Variants in PBX1 observed in about 807,000 individuals in gnomAD.
PBX1 encodes the protein PBX homeobox 1.
PBX1 carries 6 observed loss-of-function variants against 53.4 expected under a neutral mutation model. The ratio of observed to expected loss-of-function variants is 0.11; its 90% CI spans 0.06 to 0.22. The LOEUF (loss-of-function observed/expected upper bound fraction) is 0.22, where lower values mean the gene tolerates loss of function less well. PBX1 is among the 10% of genes least tolerant of loss of function. PBX1 has a pLI of 1.00. For synonymous variants in PBX1, 204 were observed against 212.3 expected (o/e 0.96, Z 0.34); for missense variants, 251 against 551.4 (o/e 0.46, Z 5.46).
rs114626942 is a variant in PBX1, at chr1:164,863,753, C to T, written n.257+32270C>T. Among the ~76,000 whole-genome samples, 1,130 of 152,166 alleles carry T rather than the reference C, an allele frequency of 7.4e-3. 9 individuals carry two copies. The highest frequency in any genetic ancestry group is 0.026 in the African/African-American group (1,092 of 41,506). The stretch of plus-strand genomic sequence containing the variant: ...GCTGGAGGAGGGAATCTGGCGGATA[C>T]CAGTACCTGAATACAGATCAGAGAG... On this transcript the variant is annotated intron_variant and non_coding_transcript_variant, in intron 2 of 2. Coordinates refer to the PBX1 transcript ENST00000558796.
At chr1:164,730,790 G>T (rs939174034) in intron 2 of PBX1, among the ~76,000 whole-genome samples, 2 of 152,112 alleles carry the variant, frequency 1.3e-5, no homozygotes, top group Non-Finnish European at 2.9e-5. Flanking sequence ...TGTCCCCTTG[G>T]TGCTAAAGAA....
intron 2 of PBX1, among the ~76,000 whole-genome samples, chr1:164,871,054 G>A (rs1021487633): frequency 6.6e-6 from 1 of 152,070 alleles, no homozygotes; most frequent in African/African-American, 2.4e-5. Flanking sequence ...GGCATACCCT[G>A]CCTTATTAAA....
intron 2 of PBX1, among the ~76,000 whole-genome samples, chr1:164,729,640 C>G (rs542201402): frequency 6.6e-6 from 1 of 152,236 alleles, no homozygotes; most frequent in Admixed American, 6.5e-5. Context: ...ATATTATTAT[C>G]TCTCTTTTAC....
Position 164,849,130 on chromosome 1 carries a change from G to A in PBX1, c.*2454G>A, listed in dbSNP as rs1671706016. On this transcript the variant is annotated 3_prime_UTR_variant, in exon 9 of 9. Coordinates refer to ENST00000420696, the MANE Select transcript of PBX1 (RefSeq NM_002585.4). ...TCACATTTGCTTGACTTAGGGCAAAGTACGAAAGAGAGACAAAAGGGTTCT... is the reference window on the plus strand; with the variant it reads ...TCACATTTGCTTGACTTAGGGCAAAATACGAAAGAGAGACAAAAGGGTTCT... The A allele has an allele frequency of 7.3e-7, 1 of 1,378,696 alleles. No individual in the cohort carries two copies. The highest frequency in any genetic ancestry group is 1.5e-5 in the African/African-American group (1 of 68,862). 85.4% of individuals were successfully genotyped at this position (1,378,696 alleles called of 1,614,324 possible).
At chr1:164,582,111 A>G (rs1163844547) in intron 2 of PBX1, among the ~76,000 whole-genome samples, 2 of 152,234 alleles carry the variant, frequency 1.3e-5, no homozygotes, top group Non-Finnish European at 2.9e-5. Context: ...ATAAAATAAC[A>G]TGCAAGGGAA....
At chr1:164,805,042 A>G (rs533042419) in intron 4 of PBX1, among the ~76,000 whole-genome samples, 2 of 152,276 alleles carry the variant, frequency 1.3e-5, no homozygotes, top group East Asian at 3.9e-4. Context: ...TATGTCTGTG[A>G]TGTCTACACA....
intron 1 of PBX1, chr1:164,562,803 A>C (rs2101687181): frequency 6.6e-6 from 1 of 152,626 alleles, no homozygotes; most frequent in Admixed American, 6.5e-5. Context: ...GAACACATGG[A>C]TGAATTAAAT....
intron 8 of PBX1, among the ~76,000 whole-genome samples, chr1:164,841,490 C>T (rs1177174938): frequency 2.6e-5 from 4 of 152,102 alleles, no homozygotes; most frequent in East Asian, 3.9e-4. Context: ...TGAAAGATAG[C>T]TCTGGTGGCA....
intron 8 of PBX1, chr1:164,831,553 T>G (rs1334304199): frequency 6.6e-6 from 1 of 152,162 alleles, no homozygotes; most frequent in African/African-American, 2.4e-5. Flanking sequence ...CATGCCCAGC[T>G]AATTTTTTGT....
At chr1:164,649,113 T>C (rs1490630904) in intron 2 of PBX1, among the ~76,000 whole-genome samples, 1 of 152,116 alleles carries the variant, frequency 6.6e-6, no homozygotes, top group Non-Finnish European at 1.5e-5. Flanking sequence ...GTGGGAACAT[T>C]GGCCTACAGA....
chr1:164,828,620 C>T (rs1216241108), intron 8 of PBX1: 1 of 152,112 alleles, frequency 6.6e-6, no homozygotes, highest in East Asian at 1.9e-4. Flanking sequence ...TTGTTCCAGA[C>T]TCAAGTTGGT....
chr1:164,630,438 A>T (rs1168423609), intron 2 of PBX1, among the ~76,000 whole-genome samples: 1 of 152,168 alleles, frequency 6.6e-6, no homozygotes, highest in Admixed American at 6.5e-5. Flanking sequence ...TGCTGTTTTC[A>T]TATTTAAGCT....
chr1:164,837,147 C>T (rs1330949341), intron 8 of PBX1, among the ~76,000 whole-genome samples: 1 of 152,170 alleles, frequency 6.6e-6, no homozygotes, highest in Admixed American at 6.5e-5. Flanking sequence ...TTCACACATA[C>T]TGGCTGTGTG....
At chr1:164,576,658 C>A (rs763146352) in intron 2 of PBX1, 3 of 152,390 alleles carry the variant, frequency 2.0e-5, no homozygotes, top group South Asian at 4.1e-4. Flanking sequence ...GCCCGAGGCT[C>A]CCCCGCCACC....
At chr1:164,782,772 C>T (rs79026669) in intron 2 of PBX1, among the ~76,000 whole-genome samples, 1,741 of 152,266 alleles carry the variant, frequency 0.011, 32 homozygotes, top group African/African-American at 0.04. Context: ...GTAGTGACAA[C>T]GGCAGCGGGG....
intron 2 of PBX1, among the ~76,000 whole-genome samples, chr1:164,592,059 G>A (rs1655422865): frequency 1.3e-5 from 2 of 150,236 alleles, no homozygotes; most frequent in Admixed American, 1.3e-4. Context: ...GAGTGACTGT[G>A]TTTCTGAGTA....
intron 2 of PBX1, among the ~76,000 whole-genome samples, chr1:164,638,686 G>A (rs762559236): frequency 2.6e-4 from 40 of 152,202 alleles, no homozygotes; most frequent in Admixed American, 1.4e-3. Flanking sequence ...AGCGATAAAG[G>A]CAGGTGATCC....
At chr1:164,624,541 C>G (rs1037400017) in intron 2 of PBX1, among the ~76,000 whole-genome samples, 1 of 152,156 alleles carries the variant, frequency 6.6e-6, no homozygotes, top group Admixed American at 6.5e-5. Flanking sequence ...CCTGAGGGAG[C>G]CTTGAAGTTG....
chr1:164,760,227 A>G (rs10918067), intron 2 of PBX1, among the ~76,000 whole-genome samples: 71,463 of 152,002 alleles, frequency 0.47, 16,962 homozygotes, highest in South Asian at 0.56. Flanking sequence ...TGATTAACCG[A>G]ATCAGAATGA....
Sources: allele counts gnomAD v4.1 joint callset (sites outside exome capture counted in the v4.1 genomes callset), GRCh38; gene constraint gnomAD v4.1.1; transcripts MANE v1.5; gene names NCBI Gene and HGNC (gene_info 2026-07-23, HGNC 2026-07-21).